Variants in DNAJA3 observed in about 807,000 individuals in gnomAD.
The protein encoded by DNAJA3 is DnaJ heat shock protein family (Hsp40) member A3, also known as dnaJ homolog subfamily A member 3, mitochondrial.
Under a neutral mutation model 54.9 loss-of-function variants are expected in DNAJA3, and 29 were observed. The observed-to-expected ratio is 0.53, with a 90% confidence interval of 0.39 to 0.72. The LOEUF is 0.72. DNAJA3 is among the 30% of genes least tolerant of loss of function. The pLI, the probability that DNAJA3 is intolerant of heterozygous loss-of-function variation, is 0.00. For missense variants in DNAJA3, 708 were observed against 639.4 expected, an observed-to-expected ratio of 1.11 and a Z score of -1.16; for synonymous variants, 302 against 251.4, an observed-to-expected ratio of 1.20 and a Z score of -1.90.
At chr16:4,433,176 G>C (rs1302258250) in intron 1 of DNAJA3, 1 of 152,222 alleles carries the variant, frequency 6.6e-6, no homozygotes, top group Non-Finnish European at 1.5e-5. Flanking sequence ...TATCTGTTAA[G>C]TGGATGAACT....
intron 10 of DNAJA3, among the ~76,000 whole-genome samples, chr16:4,453,577 A>G (rs901773011): frequency 2.0e-5 from 3 of 151,986 alleles, no homozygotes; most frequent in African/African-American, 7.2e-5. Flanking sequence ...AGCTGGGACT[A>G]CAGGTGCATG....
chr16:4,426,057 C>T lies in DNAJA3; in HGVS notation c.176C>T (p.Ala59Val), dbSNP rs772863118. 15 of 1,602,826 alleles carry T rather than the reference C, an allele frequency of 9.4e-6. No individual in the cohort carries two copies. The highest frequency in any genetic ancestry group is 1.2e-5 in the Non-Finnish European group (14 of 1,175,308). Residue 59 changes from alanine (A) to valine (V), a missense_variant, in exon 1 of 12, where the codon GCG (alanine) becomes GTG (valine). Ala to Val is a moderately conservative substitution (Grantham distance 64). Transcript: ENST00000262375. ...ASSLTSCGPR[A>V]LLTLRPGVSL... is the part of the protein sequence containing the mutation. ...TCCCTGACCTCTTGCGGCCCCCGAG[C>T]GCTGCTGACATTGAGACCTGGTGTC...
At chr16:4,448,481 T>G (rs2056933281) in intron 8 of DNAJA3, among the ~76,000 whole-genome samples, 2 of 151,762 alleles carry the variant, frequency 1.3e-5, no homozygotes, top group Non-Finnish European at 2.9e-5. Flanking sequence ...GTAGCTGAGA[T>G]TACAGGTGCA....
chr16:4,429,517 G>A (rs1031765302), intron 1 of DNAJA3, among the ~76,000 whole-genome samples: 4 of 151,920 alleles, frequency 2.6e-5, no homozygotes, highest in Non-Finnish European at 4.4e-5. Context: ...CACCGCGCCC[G>A]GCCTACAAAA....
At chr16:4,431,286 A>C (rs2056697091) in intron 1 of DNAJA3, among the ~76,000 whole-genome samples, 1 of 152,234 alleles carries the variant, frequency 6.6e-6, no homozygotes. Context: ...AGGGTTGAGT[A>C]CAAGTTCAAT....
intron 1 of DNAJA3, 89 bp downstream of exon 1, chr16:4,426,181 G>C (rs1371432798): frequency 2.3e-6 from 3 of 1,313,330 alleles, no homozygotes; most frequent in East Asian, 6.1e-5. Flanking sequence ...CAGGGGTAGT[G>C]GGGTGGAGGG....
chr16:4,442,982 C>A (rs766352898), intron 5 of DNAJA3, 35 bp from the exon 6 acceptor site: 3 of 1,603,512 alleles, frequency 1.9e-6, no homozygotes, highest in Non-Finnish European at 2.6e-6. Flanking sequence ...AGTTTACCTG[C>A]GTACTTAGGT....
chr16:4,441,412 C>A lies in DNAJA3; in HGVS notation c.467C>A (p.Ala156Asp), dbSNP rs113905394. ...SDEVKRKQYD[A>D]YGSAGFDPGA... is the part of the protein sequence containing the mutation. ...GAGGTGAAGAGGAAGCAGTACGATGCCTACGGCTCTGCAGGCTTCGATCCT... is the reference window on the plus strand; with the variant it reads ...GAGGTGAAGAGGAAGCAGTACGATGACTACGGCTCTGCAGGCTTCGATCCT... Residue 156 changes from alanine (A) to aspartate (D), a missense_variant, in exon 4 of 12, where the codon GCC (alanine) becomes GAC (aspartate). Ala to Asp is a moderately radical substitution (Grantham distance 126). Coordinates refer to ENST00000262375, the MANE Select transcript of DNAJA3 (RefSeq NM_005147.6). The A allele has an allele frequency of 6.2e-7, 1 of 1,613,926 alleles. No individual in the cohort carries two copies. Among genetic ancestry groups the A allele is most frequent in the Non-Finnish European group, 8.5e-7 (1 of 1,180,034 alleles).
At chr16:4,437,330 C>T (rs768933569) in intron 2 of DNAJA3, 72 bp from the exon 3 acceptor site, 374 of 1,267,132 alleles carry the variant, frequency 3.0e-4, no homozygotes, top group Admixed American at 2.2e-4. Context: ...TCTGTTGTAT[C>T]GGGGGTTTTG....
At chr16:4,454,349 G>A (rs953243803) in intron 10 of DNAJA3, among the ~76,000 whole-genome samples, 13 of 152,194 alleles carry the variant, frequency 8.5e-5, no homozygotes, top group Non-Finnish European at 7.3e-5. Flanking sequence ...GCATGGGCTC[G>A]CACTCAGTCC....
At position 4,442,979 on chromosome 16, in the gene DNAJA3, C is replaced by G. The variant is rs756048001; in HGVS notation, c.784-38C>G. 14 of 1,602,396 alleles carry G rather than the reference C, an allele frequency of 8.7e-6. No homozygotes were observed. In the Admixed American group the frequency reaches 1.7e-4, roughly 19 times the overall value. On this transcript the variant is annotated intron_variant, in intron 5 of 11. Coordinates refer to ENST00000262375, the MANE Select transcript of DNAJA3 (RefSeq NM_005147.6). ...GTCCCAGAACCACCCATCAGTTTAC[C>G]TGCGTACTTAGGTTACCATTTTTCT...
intron 2 of DNAJA3, 87 bp from the exon 3 acceptor site, chr16:4,437,315 G>C (rs1168493617): frequency 3.6e-6 from 4 of 1,102,994 alleles, no homozygotes; most frequent in African/African-American, 1.6e-5. Flanking sequence ...ACTGGTATTT[G>C]GGGTTCTGTT....
intron 9 of DNAJA3, 21 bp downstream of exon 9, chr16:4,448,869 G>A (rs781118086): frequency 2.5e-5 from 39 of 1,589,416 alleles, no homozygotes; most frequent in Middle Eastern, 1.7e-4. Context: ...CCTAGGCTGT[G>A]GCCAAGCCCG....
chr16:4,448,241 G>C (rs1214040341), intron 8 of DNAJA3, among the ~76,000 whole-genome samples: 1 of 150,510 alleles, frequency 6.6e-6, no homozygotes, highest in East Asian at 2.0e-4. Context: ...TGGCCAGGAA[G>C]GTCTCAATCA....
chr16:4,425,922 T>C lies in DNAJA3; in HGVS notation c.41T>C (p.Val14Ala). 1.3e-6 allele frequency: 2 copies of C among 1,549,778 alleles called. No individual in the cohort carries two copies. Among genetic ancestry groups the C allele is most frequent in the Non-Finnish European group, 1.7e-6 (2 of 1,148,598 alleles). Residue 14 changes from valine (V) to alanine (A), a missense_variant, in exon 1 of 12, where the codon GTG becomes GCG. Physicochemically the swap from Val to Ala is moderately conservative, Grantham distance 64 (BLOSUM62 0). Transcript: ENST00000262375. The part of the protein sequence containing the change: ...RCSTRWLLVV[V>A]GTPRLPAISG... ...TCCACACGCTGGTTGCTGGTGGTTG[T>C]GGGGACCCCGCGGCTGCCGGCTATA...
chr16:4,439,066 G>T (rs1307775107), intron 3 of DNAJA3, among the ~76,000 whole-genome samples: 2 of 150,876 alleles, frequency 1.3e-5, no homozygotes, highest in African/African-American at 4.9e-5. Context: ...GCCAGGTGCA[G>T]TGGCTTACGT....
intron 1 of DNAJA3, among the ~76,000 whole-genome samples, chr16:4,432,751 G>A (rs9745577): frequency 1.3e-5 from 2 of 152,204 alleles, no homozygotes; most frequent in African/African-American, 2.4e-5. Flanking sequence ...CAGGAGAGTC[G>A]CTTGAACCCA....
intron 1 of DNAJA3, 180 bp from the exon 2 acceptor site, chr16:4,434,204 C>T: frequency 1.6e-6 from 1 of 632,004 alleles, no homozygotes; most frequent in Non-Finnish European, 2.7e-6. Flanking sequence ...CATCAGGTCC[C>T]TCCCATGACA....
intron 8 of DNAJA3, among the ~76,000 whole-genome samples, chr16:4,448,282 C>G (rs538158199): frequency 6.6e-6 from 1 of 151,646 alleles, no homozygotes; most frequent in Admixed American, 6.6e-5. Flanking sequence ...GCCTCAGCCC[C>G]CCAAAGTGCT....
Sources: allele counts gnomAD v4.1 joint callset (sites outside exome capture counted in the v4.1 genomes callset), GRCh38; gene constraint gnomAD v4.1.1; transcripts MANE v1.5; gene names NCBI Gene and HGNC (gene_info 2026-07-23, HGNC 2026-07-21).